The following SORL1 variants were observed in gnomAD, a reference collection of about 807,000 sequenced individuals.
SORL1 encodes sortilin related receptor 1, also known as sortilin-related receptor.
In SORL1, 127 loss-of-function variants were observed where a neutral mutation model predicts 273.7. The observed-to-expected ratio is 0.46, with a 90% CI of 0.40 to 0.54. The LOEUF is 0.54. Among genes scored for constraint, SORL1 ranks in the 20% least tolerant of loss-of-function variants. SORL1 has a pLI of 0.00. For synonymous variants in SORL1, 1,031 were observed against 1,067.4 expected, an observed-to-expected ratio of 0.97 and a Z score of 0.66; for missense variants, 2,494 against 2,846.1, an observed-to-expected ratio of 0.88 and a Z score of 2.81.
intron 21 of SORL1, among the ~76,000 whole-genome samples, chr11:121,566,425 G>A (rs1191685654): frequency 1.3e-5 from 2 of 151,828 alleles, no homozygotes; most frequent in South Asian, 2.1e-4. Context: ...GGCTGGATTC[G>A]AGCTACCAGG....
intron 14 of SORL1, 125 bp downstream of exon 14, chr11:121,545,554 G>C: frequency 1.2e-6 from 1 of 864,740 alleles, no homozygotes; most frequent in South Asian, 1.7e-5. Flanking sequence ...ACAAGTATTT[G>C]TGAAGCATCT....
intron 27 of SORL1, among the ~76,000 whole-genome samples, chr11:121,587,043 G>A (rs1355550837): frequency 1.3e-5 from 2 of 152,196 alleles, no homozygotes; most frequent in African/African-American, 4.8e-5. Context: ...TTTGCATACA[G>A]TAACTACTAT....
At chr11:121,558,283 CTATTA>C (rs1356365521) in intron 19 of SORL1, among the ~76,000 whole-genome samples, 1 of 152,158 alleles carries the variant, frequency 6.6e-6, no homozygotes, top group African/African-American at 2.4e-5. Flanking sequence ...TCACAGTATT[CTATTA>C]TATGTACCAT....
intron 9 of SORL1, 30 bp from the exon 10 acceptor site, chr11:121,522,555 GC>G: frequency 6.7e-7 from 1 of 1,497,878 alleles, no homozygotes; most frequent in Non-Finnish European, 9.3e-7. Flanking sequence ...GGTATCATGT[GC>G]TGACACTGCC....
chr11:121,590,012 CA>C, intron 29 of SORL1, 27 bp from the exon 30 acceptor site: 2 of 1,611,524 alleles, frequency 1.2e-6, no homozygotes, highest in Non-Finnish European at 1.7e-6. Context: ...GCAGGGAAAG[CA>C]ACTGATGATG....
intron 12 of SORL1, 135 bp downstream of exon 12, chr11:121,532,687 CTTTTTTT>C: frequency 3.8e-6 from 2 of 521,918 alleles, no homozygotes; most frequent in Non-Finnish European, 6.7e-6. Context: ...ATGAGTTAAA[CTTTTTTT>C]TTTTTTTTTG....
At chr11:121,579,972 T>C (rs2134941340) in intron 25 of SORL1, among the ~76,000 whole-genome samples, 1 of 152,364 alleles carries the variant, frequency 6.6e-6, no homozygotes, top group Non-Finnish European at 1.5e-5. Context: ...CGTATTTTCA[T>C]AGAATTCTTC....
Position 121,504,458 on chromosome 11 carries a change from G to T in SORL1, c.939+7409G>T, listed in dbSNP as rs554132735. Among the ~76,000 whole-genome samples the T allele has an allele frequency of 1.6e-4, 25 of 152,232 alleles. 1 individual carries two copies. The East Asian group carries it at 4.6e-3, about 28-fold the overall frequency. ...ATTCTTTTTGGCTCCATTGTAAATG[G>T]TTCTTTTCTAAATTTCATTTTCAGA... On this transcript the variant is annotated intron_variant, in intron 6 of 47. Coordinates refer to ENST00000260197, the MANE Select transcript of SORL1 (RefSeq NM_003105.6).
chr11:121,470,928 A>G (rs996447843), intron 2 of SORL1, among the ~76,000 whole-genome samples: 2 of 152,136 alleles, frequency 1.3e-5, no homozygotes, highest in Non-Finnish European at 2.9e-5. Context: ...GGCTCAAACA[A>G]TCCGCCTGCC....
chr11:121,509,396 C>T (rs766547641), intron 6 of SORL1, among the ~76,000 whole-genome samples: 6 of 152,244 alleles, frequency 3.9e-5, no homozygotes, highest in East Asian at 3.9e-4. Flanking sequence ...CTTGATCCTC[C>T]GTTTCTTTTT....
At chr11:121,543,915 G>C (rs934210154) in intron 13 of SORL1, among the ~76,000 whole-genome samples, 189 bp downstream of exon 13, 1 of 152,142 alleles carries the variant, frequency 6.6e-6, no homozygotes, top group Non-Finnish European at 1.5e-5. Flanking sequence ...AGTAAGACTG[G>C]GTGCTATTCT....
chr11:121,597,912 C>G (rs958998727), intron 32 of SORL1, among the ~76,000 whole-genome samples: 1 of 152,030 alleles, frequency 6.6e-6, no homozygotes, highest in Non-Finnish European at 1.5e-5. Flanking sequence ...AGAGGCAGCC[C>G]CATTGATGGT....
intron 5 of SORL1, among the ~76,000 whole-genome samples, chr11:121,491,517 C>A (rs1377926962): frequency 6.6e-6 from 1 of 152,136 alleles, no homozygotes; most frequent in Non-Finnish European, 1.5e-5. Flanking sequence ...AACTTGACCC[C>A]TCGCAAATTG....
chr11:121,516,677 C>G (rs921837501), intron 8 of SORL1, among the ~76,000 whole-genome samples: 124 of 152,272 alleles, frequency 8.1e-4, no homozygotes, highest in African/African-American at 2.7e-3. Context: ...TGCCATGATA[C>G]ATTTTGATGC....
rs542332847 is a variant in SORL1, at chr11:121,498,459, A to G, written c.939+1410A>G. 2.0e-5 allele frequency among the ~76,000 whole-genome samples: 3 copies of G among 152,324 alleles called. No individual in the cohort carries two copies. The South Asian group carries it at 6.2e-4, about 32-fold the overall frequency. On this transcript the variant is annotated intron_variant, in intron 6 of 47. Coordinates refer to ENST00000260197, the MANE Select transcript of SORL1 (RefSeq NM_003105.6). ...TTGTGTGATTTTAATTCTGAACTCT[A>G]AAACACATTGACTGACTGCCTGGTT...
intron 8 of SORL1, among the ~76,000 whole-genome samples, chr11:121,514,563 C>T (rs1014941484): frequency 6.6e-6 from 1 of 152,148 alleles, no homozygotes; most frequent in Admixed American, 6.5e-5. Flanking sequence ...CTGAGAACTA[C>T]AGCTCTAGGT....
chr11:121,615,905 A>G (rs1484824675), intron 41 of SORL1, among the ~76,000 whole-genome samples: 3 of 152,182 alleles, frequency 2.0e-5, no homozygotes, highest in African/African-American at 2.4e-5. Flanking sequence ...CCAGCAAGGA[A>G]ACTAAGGCTC....
rs551602644 is a variant in SORL1, at chr11:121,608,037, A to T, written c.5167-67A>T. On this transcript the variant is annotated intron_variant, in intron 37 of 47. Coordinates refer to ENST00000260197, the MANE Select transcript of SORL1 (RefSeq NM_003105.6). ...ATCTCACCCCTTTAGCTCATTCAGT[A>T]TTCTTACTGTATGGTGTATGGTGTA... is the stretch of plus-strand genomic sequence containing the variant. 56 of 1,406,188 alleles carry T rather than the reference A, an allele frequency of 4.0e-5. 1 individual carries two copies. In the South Asian group the frequency reaches 6.4e-4, roughly 16 times the overall value. 87.1% of individuals were successfully genotyped at this position (1,406,188 alleles called of 1,614,324 possible). A position where few individuals can be genotyped will look rare whatever the true frequency, so the allele number is the denominator to read the frequency against.
Position 121,621,188 on chromosome 11 carries a change from T to A in SORL1, c.6014T>A (p.Ile2005Asn). The A allele has an allele frequency of 6.2e-7, 1 of 1,614,172 alleles. No homozygotes were observed. Among genetic ancestry groups the A allele is most frequent in the South Asian group, 1.1e-5 (1 of 91,080 alleles). ...GAGCCTGGCGGGAAATACCACATCA[T>A]TGTCCAACTGGGGAACATGAGCAAA... ...KLEPGGKYHIIVQLGNMSKDS... is the reference protein window; with the variant it reads ...KLEPGGKYHINVQLGNMSKDS... The change falls in exon 44 of 48, where the codon ATT (isoleucine) becomes AAT (asparagine). Residue 2005 changes from isoleucine to asparagine, a missense_variant. Physicochemically the swap from Ile to Asn is moderately radical, Grantham distance 149. Transcript: ENST00000260197.
Sources: allele counts gnomAD v4.1 joint callset (sites outside exome capture counted in the v4.1 genomes callset), GRCh38; gene constraint gnomAD v4.1.1; transcripts MANE v1.5; gene names NCBI Gene and HGNC (gene_info 2026-07-23, HGNC 2026-07-21).